The following PTPRO variants were observed in gnomAD, a reference collection of about 807,000 sequenced individuals.
The protein encoded by PTPRO is protein tyrosine phosphatase receptor type O.
Under a neutral mutation model 145.2 loss-of-function variants are expected in PTPRO, and 62 were observed. That is an observed-to-expected ratio of 0.43 (90% CI 0.35 to 0.53). The LOEUF is 0.53. Ranked by LOEUF, PTPRO falls within the 20% of genes least tolerant of loss-of-function variation. The pLI, the probability that PTPRO is intolerant of heterozygous loss-of-function variation, is 0.01. For missense variants in PTPRO, 1,345 were observed against 1,482.7 expected (o/e 0.91, Z 1.53); for synonymous variants, 565 against 514.7 (o/e 1.10, Z -1.32).
chr12:15,326,955 T>C (rs1866462936), intron 1 of PTPRO, among the ~76,000 whole-genome samples: 1 of 152,248 alleles, frequency 6.6e-6, no homozygotes, highest in Admixed American at 6.5e-5. Flanking sequence ...TCTACTGTAA[T>C]ATTTCTATCT....
At chr12:15,547,848 C>A (rs761831046) in intron 13 of PTPRO, among the ~76,000 whole-genome samples, 1 of 152,086 alleles carries the variant, frequency 6.6e-6, no homozygotes, top group African/African-American at 2.4e-5. Flanking sequence ...ATGCTGATGG[C>A]TCTCATTTCT....
At chr12:15,514,990 C>A (rs922950856) in intron 7 of PTPRO, among the ~76,000 whole-genome samples, 1 of 151,724 alleles carries the variant, frequency 6.6e-6, no homozygotes, top group Non-Finnish European at 1.5e-5. Context: ...GTCTTGAACT[C>A]CTGACTTCAA....
chr12:15,411,898 A>G (rs1565614132), intron 1 of PTPRO, among the ~76,000 whole-genome samples: 1 of 152,250 alleles, frequency 6.6e-6, no homozygotes, highest in Non-Finnish European at 1.5e-5. Flanking sequence ...GCCCAGCAGC[A>G]TGCATCAGAC....
In PTPRO at chr12:15,387,309, A is replaced by G. The variant is rs964807939; in HGVS notation, c.75+64508A>G. On this transcript the variant is annotated intron_variant, in intron 1 of 26. Transcript: ENST00000281171. Reference sequence around the variant, plus strand: ...TTGGTCTTTAGCCTTGTCCAATAAAAATAGTTATTGTTAAAAGTCCAAACT... The same window carrying G: ...TTGGTCTTTAGCCTTGTCCAATAAAGATAGTTATTGTTAAAAGTCCAAACT... Among the ~76,000 whole-genome samples the G allele has an allele frequency of 3.4e-5, 5 of 148,288 alleles. No homozygotes were observed. In the South Asian group the frequency reaches 6.5e-4, roughly 19 times the overall value.
At chr12:15,337,840 C>T (rs890293620) in intron 1 of PTPRO, among the ~76,000 whole-genome samples, 12 of 152,046 alleles carry the variant, frequency 7.9e-5, no homozygotes, top group African/African-American at 2.9e-4. Flanking sequence ...TGTATGATTC[C>T]ATTATATAAC....
intron 1 of PTPRO, among the ~76,000 whole-genome samples, chr12:15,418,352 T>C (rs1227533132): frequency 6.6e-6 from 1 of 151,734 alleles, no homozygotes; most frequent in East Asian, 1.9e-4. Context: ...AGATTCCCAG[T>C]ACCTGGCACA....
chr12:15,507,544 G>A (rs1328568040), intron 6 of PTPRO, among the ~76,000 whole-genome samples: 2 of 152,174 alleles, frequency 1.3e-5, no homozygotes, highest in South Asian at 2.1e-4. Context: ...GTGAGCATCC[G>A]TGTTTTAAGC....
intron 1 of PTPRO, among the ~76,000 whole-genome samples, chr12:15,372,158 G>A (rs1938550104): frequency 6.6e-6 from 1 of 152,074 alleles, no homozygotes; most frequent in Non-Finnish European, 1.5e-5. Flanking sequence ...TATGTGTCAA[G>A]CGTTTGTGGC....
At chr12:15,538,207 G>T (rs1943105128) in intron 12 of PTPRO, among the ~76,000 whole-genome samples, 1 of 148,766 alleles carries the variant, frequency 6.7e-6, no homozygotes, top group Admixed American at 6.8e-5. Context: ...TTTGTCAACT[G>T]CCCAGAGGCA....
intron 1 of PTPRO, among the ~76,000 whole-genome samples, chr12:15,360,955 C>T (rs141730229): frequency 6.9e-6 from 1 of 144,284 alleles, no homozygotes; most frequent in Admixed American, 7.0e-5. Flanking sequence ...CGTGTATATA[C>T]ACACACATAT....
At chr12:15,382,862 A>G (rs1326946126) in intron 1 of PTPRO, among the ~76,000 whole-genome samples, 1 of 152,222 alleles carries the variant, frequency 6.6e-6, no homozygotes, top group Middle Eastern at 3.2e-3. Context: ...GTACATATTT[A>G]TGGGGTACAG....
chr12:15,414,117 G>GT (rs1939878879), intron 1 of PTPRO, among the ~76,000 whole-genome samples: 1 of 152,098 alleles, frequency 6.6e-6, no homozygotes. Context: ...TTGTCTAACC[G>GT]TAAGAACCTT....
intron 1 of PTPRO, among the ~76,000 whole-genome samples, chr12:15,409,326 T>C (rs1456451874): frequency 6.6e-6 from 1 of 152,190 alleles, no homozygotes; most frequent in Non-Finnish European, 1.5e-5. Flanking sequence ...TGGTCCCGTC[T>C]GCTGAGAAAC....
intron 8 of PTPRO, among the ~76,000 whole-genome samples, chr12:15,516,222 C>G (rs1159150337): frequency 6.7e-6 from 1 of 149,210 alleles, no homozygotes; most frequent in African/African-American, 2.5e-5. Flanking sequence ...GATCTGACCT[C>G]GTGATCTGCC....
At chr12:15,377,847 T>C (rs1938733943) in intron 1 of PTPRO, among the ~76,000 whole-genome samples, 1 of 152,080 alleles carries the variant, frequency 6.6e-6, no homozygotes, top group South Asian at 2.1e-4. Flanking sequence ...GGGAAATTTG[T>C]GGAATTCACA....
chr12:15,405,880 G>GA (rs1338518449), intron 1 of PTPRO, among the ~76,000 whole-genome samples: 1 of 152,158 alleles, frequency 6.6e-6, no homozygotes, highest in Non-Finnish European at 1.5e-5. Context: ...AGAAAGACAT[G>GA]AGGTACAGTG....
At chr12:15,449,415 A>G (rs1591821640) in intron 1 of PTPRO, among the ~76,000 whole-genome samples, 1 of 152,234 alleles carries the variant, frequency 6.6e-6, no homozygotes, top group African/African-American at 2.4e-5. Context: ...TTGCTTTAAC[A>G]GTATAATGGT....
chr12:15,460,551 G>A (rs1941278508), intron 1 of PTPRO, among the ~76,000 whole-genome samples: 1 of 152,090 alleles, frequency 6.6e-6, no homozygotes, highest in African/African-American at 2.4e-5. Flanking sequence ...TACAACAATA[G>A]CTTTACAAGT....
At chr12:15,578,396 T>C (rs1161410216) in intron 19 of PTPRO, among the ~76,000 whole-genome samples, 1 of 152,230 alleles carries the variant, frequency 6.6e-6, no homozygotes, top group African/African-American at 2.4e-5. Flanking sequence ...ATCCAAGGTA[T>C]TTATGTGTTG....
Sources: gnomAD v4.1 joint callset for allele counts (sites outside exome capture counted in the v4.1 genomes callset) on GRCh38, gnomAD v4.1.1 for gene constraint, MANE v1.5 for transcripts, NCBI Gene and HGNC (gene_info 2026-07-23, HGNC 2026-07-21) for gene names.